SEC31B: variants seen among roughly 807,000 people sequenced by gnomAD.
SEC31B encodes SEC31 homolog B, COPII component.
SEC31B carries 113 observed loss-of-function variants against 135.0 expected under a neutral mutation model. That is an observed-to-expected ratio of 0.84 (90% confidence interval 0.72 to 0.98). SEC31B has a LOEUF of 0.98. Ranked by LOEUF, SEC31B falls within the 50% of genes least tolerant of loss-of-function variation. The pLI is 0.00. For synonymous variants in SEC31B, 508 were observed against 549.4 expected (o/e 0.92, Z 1.05); for missense variants, 1,296 against 1,421.1 (o/e 0.91, Z 1.42).
intron 19 of SEC31B, among the ~76,000 whole-genome samples, chr10:100,493,627 A>G (rs1851346834): frequency 6.6e-6 from 1 of 152,242 alleles, no homozygotes; most frequent in South Asian, 2.1e-4. Context: ...GTGCAGCTAT[A>G]AAAGAGGTAA....
chr10:100,512,194 A>G (rs1243203204), intron 3 of SEC31B, among the ~76,000 whole-genome samples: 1 of 152,182 alleles, frequency 6.6e-6, no homozygotes, highest in Non-Finnish European at 1.5e-5. Flanking sequence ...CAGAAGACAG[A>G]TCCTCTACTT....
intron 1 of SEC31B, among the ~76,000 whole-genome samples, chr10:100,518,158 T>C (rs1471864890): frequency 6.6e-6 from 1 of 152,208 alleles, no homozygotes; most frequent in Non-Finnish European, 1.5e-5. Flanking sequence ...CAGAATAAAA[T>C]TCAAACTTCT....
chr10:100,515,314 G>A (rs1363561203), intron 3 of SEC31B, among the ~76,000 whole-genome samples: 1 of 152,092 alleles, frequency 6.6e-6, no homozygotes, highest in Non-Finnish European at 1.5e-5. Flanking sequence ...AAACGGTATA[G>A]TAGTACATGT....
intron 10 of SEC31B, among the ~76,000 whole-genome samples, chr10:100,504,404 G>C (rs982937673): frequency 1.3e-5 from 2 of 152,190 alleles, no homozygotes; most frequent in African/African-American, 4.8e-5. Flanking sequence ...CATTCAAAGT[G>C]CTAGTCCTCC....
chr10:100,504,826 A>T (rs1221535472), intron 10 of SEC31B, among the ~76,000 whole-genome samples: 4 of 151,896 alleles, frequency 2.6e-5, no homozygotes, highest in East Asian at 2.0e-4. Flanking sequence ...GTTAGGGTAC[A>T]AGCAGAGACA....
Position 100,490,211 on chromosome 10 carries a change from C to T in SEC31B, c.2762G>A (p.Gly921Asp), listed in dbSNP as rs1851274010. 6.2e-7 allele frequency: 1 copy of T among 1,611,570 alleles called. No homozygotes were observed. Among genetic ancestry groups the T allele is most frequent in the Non-Finnish European group, 8.5e-7 (1 of 1,178,794 alleles). The change falls in exon 21 of 26, where the codon GGC becomes GAC. Residue 921 changes from glycine (G) to aspartate (D), a missense_variant. Coordinates refer to ENST00000370345, the MANE Select transcript of SEC31B (RefSeq NM_015490.4). ...GGAGGTAGAGCCAGGTCGCATGATG[C>T]CTGGGCATGCCATGGGTAGAGGGGA... ...PGSPLPMACP[G>D]IMRPGSTSLP...
At chr10:100,497,010 TCCTC>T in intron 17 of SEC31B, 121 bp downstream of exon 17, 3 of 1,109,028 alleles carry the variant, frequency 2.7e-6, no homozygotes, top group Non-Finnish European at 3.8e-6. Flanking sequence ...GACCTTTCGC[TCCTC>T]CCTAACACCG....
At chr10:100,508,129 A>G in intron 5 of SEC31B, 78 bp from the exon 6 acceptor site, 2 of 1,548,838 alleles carry the variant, frequency 1.3e-6, no homozygotes, top group Non-Finnish European at 1.8e-6. Context: ...CACTGCTCCC[A>G]GCCACCCACA....
Position 100,488,935 on chromosome 10 carries a change from G to A in SEC31B, c.3211C>T (p.Leu1071=). The part of the protein sequence containing the change: ...LPPEKMERKE[L]PPEHQSLKSS... ...TTCAAGGACTGATGCTCTGGGGGCA[G>A]CTCCTTCCTTTCCATCTTCTCAGGT... is the stretch of plus-strand genomic sequence containing the variant. The change falls in exon 24 of 26, where the codon CTG becomes TTG. Residue 1071 remains leucine (L), a synonymous_variant. Coordinates refer to ENST00000370345, the MANE Select transcript of SEC31B (RefSeq NM_015490.4). 6.2e-7 allele frequency: 1 copy of A among 1,611,268 alleles called. No homozygotes were observed. Among genetic ancestry groups the A allele is most frequent in the South Asian group, 1.1e-5 (1 of 90,636 alleles).
intron 11 of SEC31B, chr10:100,501,703 T>A (rs967639468): frequency 6.4e-6 from 1 of 155,818 alleles, no homozygotes; most frequent in African/African-American, 2.4e-5. Flanking sequence ...ATAGGTATAG[T>A]ACTCCTCCTG....
At position 100,502,367 on chromosome 10, in the gene SEC31B, G is replaced by C. The variant is rs759574841; in HGVS notation, c.1297C>G (p.Arg433Gly). The stretch of plus-strand genomic sequence containing the variant: ...AAGGCCTCCTGCAGCTCAGCTGATC[G>C]CATCAGGAATTCAGATTCTGTGGTG... ...QVTTESEFLMRSAELQEALGS... is the reference protein window; with the variant it reads ...QVTTESEFLMGSAELQEALGS... Residue 433 changes from arginine (R) to glycine (G), a missense_variant, in exon 11 of 26, where the codon CGA becomes GGA. Arg to Gly is a moderately radical substitution (Grantham distance 125). Transcript: ENST00000370345. 8.1e-6 allele frequency: 13 copies of C among 1,614,102 alleles called. No homozygotes were observed. The highest frequency in any genetic ancestry group is 1.1e-5 in the South Asian group (1 of 91,078).
At position 100,488,852 on chromosome 10, in the gene SEC31B, A is replaced by G; in HGVS notation, c.3288+6T>C. Reference sequence around the variant, plus strand: ...GGAGGGCACTGTGAAGAAGGTTCAGACTTACTAAGTCAGTTGCAGACAGGG... The same window carrying G: ...GGAGGGCACTGTGAAGAAGGTTCAGGCTTACTAAGTCAGTTGCAGACAGGG... On this transcript the variant is annotated splice_donor_region_variant and intron_variant, in intron 24 of 25. Coordinates refer to ENST00000370345, the MANE Select transcript of SEC31B (RefSeq NM_015490.4). 6.3e-7 allele frequency: 1 copy of G among 1,583,170 alleles called. No individual in the cohort carries two copies. The highest frequency in any genetic ancestry group is 8.6e-7 in the Non-Finnish European group (1 of 1,165,464).
At position 100,506,055 on chromosome 10, in the gene SEC31B, CAT is replaced by C. The variant is rs773618966; in HGVS notation, c.1027_1028del (p.Met343GlufsTer4). 1.5e-5 allele frequency: 25 copies of C among 1,613,870 alleles called. 1 individual carries two copies. In the Admixed American group the frequency reaches 2.0e-4, roughly 13 times the overall value. On this transcript the variant is annotated frameshift_variant, in exon 9 of 26. Transcript: ENST00000370345. LOFTEE classifies it high-confidence loss of function. Reference protein sequence around the residue: ...VMGRSWEVQHMRQADKISSSF... With the variant: ...VMGRSWEVQHXRQADKISSSF... Reference sequence around the variant, plus strand: ...CCCTTCAAACCTTGTCAGCCTGTCTCATATGCTGGACTTCCCAGCTCCTACCC... The same window carrying C: ...CCCTTCAAACCTTGTCAGCCTGTCTCATGCTGGACTTCCCAGCTCCTACCC...
In SEC31B at chr10:100,499,209, G is replaced by A. The variant is rs1851470413; in HGVS notation, c.1535C>T (p.Pro512Leu). The A allele has an allele frequency of 1.9e-6, 3 of 1,613,874 alleles. No homozygotes were observed. In the South Asian group the frequency reaches 3.3e-5, roughly 18 times the overall value. Residue 512 changes from proline to leucine, a missense_variant, in exon 13 of 26, where the codon CCC (proline) becomes CTC (leucine). Transcript: ENST00000370345. ...GTCACTGTTGAGGTCATTTCCCTTG[G>A]GCTGAGGACTCTCACCTAGCCCCAC... ...SDVGLGESPQPKGNDLNSDRQ... is the reference protein window; with the variant it reads ...SDVGLGESPQLKGNDLNSDRQ...
chr10:100,508,157 C>T (rs979233600), intron 5 of SEC31B, 106 bp from the exon 6 acceptor site: 9 of 1,357,820 alleles, frequency 6.6e-6, no homozygotes, highest in Admixed American at 5.4e-5. Flanking sequence ...CAAGAATAGA[C>T]ATGGGGCTAC....
chr10:100,509,534 T>A (rs527932126), intron 3 of SEC31B, 23 bp from the exon 4 acceptor site: 1 of 1,583,504 alleles, frequency 6.3e-7, no homozygotes, highest in East Asian at 2.3e-5. Flanking sequence ...GGAACTGGCA[T>A]CAGTACAAAC....
At chr10:100,516,740 T>C in intron 2 of SEC31B, 134 bp downstream of exon 2, 1 of 670,450 alleles carries the variant, frequency 1.5e-6, no homozygotes, top group Non-Finnish European at 2.6e-6. Flanking sequence ...AATATCTCCT[T>C]GCTTATGCTG....
At chr10:100,489,601 G>A (rs1851260461) in intron 22 of SEC31B, 102 bp downstream of exon 22, 3 of 1,542,978 alleles carry the variant, frequency 1.9e-6, no homozygotes, top group African/African-American at 2.7e-5. Context: ...GAGGAGGGCG[G>A]GGACAGTCTG....
chr10:100,489,901 C>T (rs561523611), intron 21 of SEC31B, 107 bp downstream of exon 21: 17 of 1,541,922 alleles, frequency 1.1e-5, no homozygotes, highest in Non-Finnish European at 1.4e-5. Flanking sequence ...AGCCACCCTC[C>T]ACCCAACAGG....
Sources: gnomAD v4.1 joint callset for allele counts (sites outside exome capture counted in the v4.1 genomes callset) on GRCh38, gnomAD v4.1.1 for gene constraint, MANE v1.5 for transcripts, NCBI Gene and HGNC (gene_info 2026-07-23, HGNC 2026-07-21) for gene names.